CTNND2: variants seen among roughly 807,000 people sequenced by gnomAD.
CTNND2 encodes the protein catenin delta-2.
In CTNND2, 22 loss-of-function variants were observed where a neutral mutation model predicts 144.4. The ratio of observed to expected loss-of-function variants is 0.15; its 90% CI spans 0.11 to 0.22. The LOEUF (loss-of-function observed/expected upper bound fraction) is 0.22, where lower values mean the gene tolerates loss of function less well. Ranked by LOEUF, CTNND2 falls within the 10% of genes least tolerant of loss-of-function variation. The probability of loss-of-function intolerance (pLI) is 1.00; values close to 1 mark genes in which losing one functional copy is unlikely to be tolerated. For synonymous variants in CTNND2, 751 were observed against 695.6 expected (o/e 1.08, Z -1.25); for missense variants, 1,353 against 1,618.8 (o/e 0.84, Z 2.82).
intron 3 of CTNND2, among the ~76,000 whole-genome samples, chr5:11,519,112 T>C (rs955182376): frequency 6.6e-6 from 1 of 152,122 alleles, no homozygotes; most frequent in Non-Finnish European, 1.5e-5. Flanking sequence ...ATGAAGTTAA[T>C]GGAGGTTCAG....
intron 1 of CTNND2, among the ~76,000 whole-genome samples, chr5:11,774,307 C>T (rs1790116698): frequency 6.8e-6 from 1 of 147,676 alleles, no homozygotes; most frequent in Admixed American, 7.0e-5. Context: ...TTTATGGCTG[C>T]ATAGTATTCC....
At chr5:10,975,035 CA>C (rs61752738) in intron 21 of CTNND2, among the ~76,000 whole-genome samples, 114 of 152,170 alleles carry the variant, frequency 7.5e-4, no homozygotes, top group African/African-American at 2.7e-3. Flanking sequence ...TACAGAAGTC[CA>C]AAAGTCCATA....
intron 11 of CTNND2, among the ~76,000 whole-genome samples, chr5:11,193,102 T>G (rs1736487855): frequency 6.6e-6 from 1 of 152,126 alleles, no homozygotes; most frequent in African/African-American, 2.4e-5. Flanking sequence ...CAGCCCCGAA[T>G]TCAGGCTGCT....
intron 1 of CTNND2, among the ~76,000 whole-genome samples, chr5:11,792,754 G>A (rs1791202574): frequency 6.6e-6 from 1 of 152,128 alleles, no homozygotes; most frequent in African/African-American, 2.4e-5. Context: ...AAACAGCAAT[G>A]TCCTCTTAAA....
intron 5 of CTNND2, among the ~76,000 whole-genome samples, chr5:11,397,450 A>C (rs1216659322): frequency 6.6e-6 from 1 of 152,076 alleles, no homozygotes; most frequent in Non-Finnish European, 1.5e-5. Context: ...AAATGATCTC[A>C]TCCTGACCTA....
At chr5:11,613,732 C>T (rs1461814245) in intron 2 of CTNND2, among the ~76,000 whole-genome samples, 2 of 152,188 alleles carry the variant, frequency 1.3e-5, no homozygotes, top group Non-Finnish European at 2.9e-5. Flanking sequence ...TTCTTACCAG[C>T]TCTCTTACTG....
chr5:11,191,188 C>A (rs1165285850), intron 11 of CTNND2, among the ~76,000 whole-genome samples: 1 of 152,204 alleles, frequency 6.6e-6, no homozygotes, highest in Non-Finnish European at 1.5e-5. Context: ...CCCCCAATGG[C>A]AAGAGCAGCT....
chr5:11,375,116 T>C (rs1031021276), intron 7 of CTNND2, among the ~76,000 whole-genome samples: 7 of 152,186 alleles, frequency 4.6e-5, no homozygotes, highest in African/African-American at 1.7e-4. Flanking sequence ...TCAGATTGCA[T>C]AAGATAGGTA....
chr5:11,119,882 C>T (rs61753311), intron 12 of CTNND2, among the ~76,000 whole-genome samples: 2,024 of 152,258 alleles, frequency 0.013, 42 homozygotes, highest in African/African-American at 0.045. Context: ...GTCTTTCCTT[C>T]GAGTATCCTT....
At chr5:11,126,678 C>A (rs1222245685) in intron 12 of CTNND2, among the ~76,000 whole-genome samples, 3 of 152,090 alleles carry the variant, frequency 2.0e-5, no homozygotes, top group Non-Finnish European at 2.9e-5. Flanking sequence ...ATTTGGGAAC[C>A]CATCTTCTTT....
chr5:11,560,699 A>G (rs1349646176), intron 3 of CTNND2, among the ~76,000 whole-genome samples: 1 of 152,208 alleles, frequency 6.6e-6, no homozygotes, highest in Non-Finnish European at 1.5e-5. Flanking sequence ...GCTGATCGAG[A>G]AGACATTCAG....
At chr5:11,040,937 A>C (rs889035357) in intron 16 of CTNND2, among the ~76,000 whole-genome samples, 1 of 152,222 alleles carries the variant, frequency 6.6e-6, no homozygotes, top group East Asian at 1.9e-4. Context: ...CAAGATTGCT[A>C]TCTAGCAAAG....
intron 1 of CTNND2, among the ~76,000 whole-genome samples, chr5:11,829,870 G>A (rs939989062): frequency 6.6e-6 from 1 of 152,212 alleles, no homozygotes; most frequent in Non-Finnish European, 1.5e-5. Context: ...GCCTGGGAAA[G>A]CAGCCAGGAG....
intron 17 of CTNND2, among the ~76,000 whole-genome samples, chr5:11,018,733 C>G (rs932696420): frequency 6.8e-5 from 9 of 132,148 alleles, no homozygotes; most frequent in Non-Finnish European, 1.4e-4. Flanking sequence ...TTTTTTGAGA[C>G]TGAGTCTTGC....
chr5:11,399,027 T>A (rs1309160333), intron 5 of CTNND2, among the ~76,000 whole-genome samples: 1 of 152,166 alleles, frequency 6.6e-6, no homozygotes, highest in Non-Finnish European at 1.5e-5. Context: ...GGGAAGACAG[T>A]GACAACTGTG....
intron 11 of CTNND2, among the ~76,000 whole-genome samples, chr5:11,177,179 A>G (rs16901370): frequency 0.06 from 9,149 of 152,242 alleles, 342 homozygotes; most frequent in East Asian, 0.15. Flanking sequence ...ACAATTTCCA[A>G]TGCACTCAGG....
intron 12 of CTNND2, among the ~76,000 whole-genome samples, chr5:11,158,782 GATT>G (rs2149766020): frequency 6.6e-6 from 1 of 152,220 alleles, no homozygotes. Flanking sequence ...TCAAAATATA[GATT>G]ATTTGGCTAG....
intron 21 of CTNND2, among the ~76,000 whole-genome samples, chr5:10,980,137 T>C (rs540962279): frequency 3.0e-4 from 45 of 152,226 alleles, no homozygotes; most frequent in African/African-American, 9.9e-4. Context: ...GGGAGAAATT[T>C]TTTGCAATCT....
chr5:11,105,141 C>T (rs1382029095), intron 14 of CTNND2, among the ~76,000 whole-genome samples: 1 of 152,242 alleles, frequency 6.6e-6, no homozygotes, highest in Non-Finnish European at 1.5e-5. Flanking sequence ...ATCACTGATG[C>T]TCATCTAGAA....
Sources: gnomAD v4.1 joint callset for allele counts (sites outside exome capture counted in the v4.1 genomes callset) on GRCh38, gnomAD v4.1.1 for gene constraint, MANE v1.5 for transcripts, NCBI Gene and HGNC (gene_info 2026-07-23, HGNC 2026-07-21) for gene names.